Variants in CHD1L observed in about 807,000 individuals in gnomAD.
CHD1L encodes ATP-dependent chromatin remodeler CHD1L.
Under a neutral mutation model 115.9 loss-of-function variants are expected in CHD1L, and 118 were observed. The ratio of observed to expected loss-of-function variants is 1.02; its 90% confidence interval spans 0.88 to 1.19. The LOEUF is 1.19. Among genes scored for constraint, CHD1L ranks in the 50% most tolerant of loss-of-function variants. The probability of loss-of-function intolerance (pLI) is 0.00; values close to 1 mark genes in which losing one functional copy is unlikely to be tolerated. For missense variants in CHD1L, 1,179 were observed against 1,065.3 expected, an observed-to-expected ratio of 1.11 and a Z score of -1.49; for synonymous variants, 411 against 387.1, an observed-to-expected ratio of 1.06 and a Z score of -0.72.
chr1:147,227,658 T>TA, the CHD1L span, among the ~76,000 whole-genome samples: 1 of 152,344 alleles, frequency 6.6e-6, no homozygotes, highest in Non-Finnish European at 1.5e-5. Context: ...ACTCATGCTA[T>TA]TACTAGACAG....
At position 147,275,334 on chromosome 1, in the gene CHD1L, C is replaced by G. The variant is rs782172050; in HGVS notation, c.1271-20C>G. 4.4e-6 allele frequency: 7 copies of G among 1,575,798 alleles called. No individual in the cohort carries two copies. The highest frequency in any genetic ancestry group is 6.1e-6 in the Non-Finnish European group (7 of 1,145,198). ...TCGTCTTTGTGCTGCTGATTACATTCCTTTTTGCATTGTTTTCAGGTGGAG... is the reference window on the plus strand; with the variant it reads ...TCGTCTTTGTGCTGCTGATTACATTGCTTTTTGCATTGTTTTCAGGTGGAG... On this transcript the variant is annotated intron_variant, in intron 12 of 22. Coordinates refer to ENST00000369258, the MANE Select transcript of CHD1L (RefSeq NM_004284.6).
the CHD1L span, chr1:147,216,092 C>G: frequency 1.7e-6 from 1 of 586,606 alleles, no homozygotes; most frequent in Non-Finnish European, 3.0e-6. Context: ...TAGTCCCTTC[C>G]CCTTGAATCT....
At chr1:147,204,099 A>T in the CHD1L span, 6 of 1,057,678 alleles carry the variant, frequency 5.7e-6, no homozygotes, top group African/African-American at 7.8e-5. Context: ...GCTTTGACTT[A>T]TGCATCCATG....
At chr1:147,201,331 T>A in the CHD1L span, 61 of 1,614,154 alleles carry the variant, frequency 3.8e-5, no homozygotes, top group South Asian at 6.5e-4. Context: ...AAATGGAAAG[T>A]CAAAGCTATA....
chr1:147,231,611 A>G, the CHD1L span, among the ~76,000 whole-genome samples: 1 of 152,104 alleles, frequency 6.6e-6, no homozygotes, highest in Admixed American at 6.5e-5. Context: ...GTGGGGTGTT[A>G]AAGTCTCCCA....
In CHD1L at chr1:147,272,513, A is replaced by G. The variant is rs141627767; in HGVS notation, c.1270+232A>G. On this transcript the variant is annotated intron_variant, in intron 12 of 22. Coordinates refer to ENST00000369258, the MANE Select transcript of CHD1L (RefSeq NM_004284.6). ...CCTGGGGTTATTGGAAAGTAATTCTAATCTGCTTTGACCATTGACCTGGGA... is the reference window on the plus strand; with the variant it reads ...CCTGGGGTTATTGGAAAGTAATTCTGATCTGCTTTGACCATTGACCTGGGA... The G allele has an allele frequency of 1.2e-3, 456 of 384,440 alleles. 12 individuals carry two copies. The Admixed American group carries it at 0.016, about 14-fold the overall frequency. The allele number at this position is 384,440 out of a possible 1,614,324, so 23.8% of individuals were successfully genotyped here.
intron 8 of CHD1L, 77 bp from the exon 9 acceptor site, chr1:147,267,349 A>G: frequency 9.4e-7 from 1 of 1,067,596 alleles, no homozygotes; most frequent in Non-Finnish European, 1.4e-6. Context: ...GGTTACTTGT[A>G]AAAACTCAGG....
At chr1:147,288,347 G>GAAAAAAAAAAAAAAAAAGA (rs1304714956) in intron 19 of CHD1L, among the ~76,000 whole-genome samples, 1 of 122,404 alleles carries the variant, frequency 8.2e-6, no homozygotes, top group African/African-American at 3.2e-5. Flanking sequence ...AAAAAAAAAA[G>GAAAAAAAAAAAAAAAAAGA]AAAAAGAGAA....
At chr1:147,264,284 T>C in intron 6 of CHD1L, 138 bp from the exon 7 acceptor site, 1 of 736,756 alleles carries the variant, frequency 1.4e-6, no homozygotes, top group Non-Finnish European at 2.2e-6. Flanking sequence ...AGCTTCAACC[T>C]GAGCCATCTG....
chr1:147,295,035 A>G (rs587693829), intron 22 of CHD1L, among the ~76,000 whole-genome samples: 4 of 152,314 alleles, frequency 2.6e-5, no homozygotes, highest in African/African-American at 9.6e-5. Flanking sequence ...TCCTTGCTCT[A>G]TAAGTTAGCA....
intron 1 of CHD1L, 79 bp downstream of exon 1, chr1:147,242,909 G>T (rs1418642806): frequency 8.1e-7 from 1 of 1,232,156 alleles, no homozygotes; most frequent in African/African-American, 1.6e-5. Flanking sequence ...GGCGCAGCGG[G>T]TGGGCCGCCC....
At chr1:147,221,107 C>A in the CHD1L span, among the ~76,000 whole-genome samples, 1 of 132,918 alleles carries the variant, frequency 7.5e-6, no homozygotes, top group Non-Finnish European at 1.6e-5. Flanking sequence ...CTACAGCATA[C>A]CTGGCCCCAA....
chr1:147,223,877 GAGA>G, the CHD1L span: 1 of 344,826 alleles, frequency 2.9e-6, no homozygotes, highest in Non-Finnish European at 5.6e-6. Context: ...GACAAAACAA[GAGA>G]AGAAGCAGAG....
At chr1:147,200,668 G>A in the CHD1L span, among the ~76,000 whole-genome samples, 2 of 151,814 alleles carry the variant, frequency 1.3e-5, no homozygotes, top group Admixed American at 1.3e-4. Context: ...TTGGGGGATT[G>A]AATATCCTAC....
chr1:147,226,953 C>T, the CHD1L span, among the ~76,000 whole-genome samples: 1 of 152,018 alleles, frequency 6.6e-6, no homozygotes, highest in South Asian at 2.1e-4. Context: ...CCACCTCAGC[C>T]TTCTGAGTAG....
the CHD1L span, chr1:147,203,439 T>G: frequency 1.2e-6 from 1 of 842,398 alleles, no homozygotes. Context: ...GAACACCAGC[T>G]TCCAACATGT....
the CHD1L span, among the ~76,000 whole-genome samples, chr1:147,230,886 G>T: frequency 6.6e-6 from 1 of 151,334 alleles, no homozygotes; most frequent in Non-Finnish European, 1.5e-5. Context: ...GCATCTATTT[G>T]ATTCTTCTCT....
the CHD1L span, among the ~76,000 whole-genome samples, chr1:147,196,355 T>C: frequency 6.6e-6 from 1 of 152,254 alleles, no homozygotes; most frequent in East Asian, 1.9e-4. Flanking sequence ...TCTCTTCGGA[T>C]ACTCAAAATA....
chr1:147,226,245 C>T, the CHD1L span, among the ~76,000 whole-genome samples: 2 of 151,894 alleles, frequency 1.3e-5, no homozygotes, highest in African/African-American at 4.8e-5. Context: ...CCCCGGCTCA[C>T]CTATACCTCT....
Sources: allele counts gnomAD v4.1 joint callset (sites outside exome capture counted in the v4.1 genomes callset), GRCh38; gene constraint gnomAD v4.1.1; transcripts MANE v1.5; gene names NCBI Gene and HGNC (gene_info 2026-07-23, HGNC 2026-07-21).